Variants in CTXND1 observed in about 807,000 individuals in gnomAD.
CTXND1 encodes the protein cortexin domain containing 1.
intron 1 of CTXND1, among the ~76,000 whole-genome samples, chr15:80,205,388 A>G (rs1178197574): frequency 6.6e-6 from 1 of 152,202 alleles, no homozygotes; most frequent in African/African-American, 2.4e-5. Context: ...GTCTAAGGAT[A>G]AATTCATTTT....
At chr15:80,240,316 TA>T (rs1167400462) in intron 1 of CTXND1, among the ~76,000 whole-genome samples, 1 of 152,136 alleles carries the variant, frequency 6.6e-6, no homozygotes, top group East Asian at 1.9e-4. Flanking sequence ...TTAGGACCCA[TA>T]AAACCTGAAT....
At chr15:80,227,400 GA>G (rs1419494613) in intron 1 of CTXND1, among the ~76,000 whole-genome samples, 1 of 152,118 alleles carries the variant, frequency 6.6e-6, no homozygotes, top group African/African-American at 2.4e-5. Context: ...TGATAAACAT[GA>G]TTTATTTAGG....
In CTXND1 at chr15:80,201,545, CT is replaced by C; in HGVS notation, c.*224del. 5.3e-6 allele frequency: 2 copies of C among 374,840 alleles called. No individual in the cohort carries two copies. Among genetic ancestry groups the C allele is most frequent in the Non-Finnish European group, 9.5e-6 (2 of 211,324 alleles). The allele number at this position is 374,840 out of a possible 1,614,324, so 23.2% of individuals were successfully genotyped here. On this transcript the variant is annotated 3_prime_UTR_variant, in exon 3 of 3. Coordinates refer to ENST00000560778, the MANE Select transcript of CTXND1 (RefSeq NM_001352888.2). ...GCCTCCTGGGTCCTGGTCCAGGGCTCTTTTCCCCTGGCTGGTCCATGGTTGC... is the reference window on the plus strand; with the variant it reads ...GCCTCCTGGGTCCTGGTCCAGGGCTCTTTCCCCTGGCTGGTCCATGGTTGC...
chr15:80,234,384 G>A (rs1373358942), intron 1 of CTXND1, among the ~76,000 whole-genome samples: 1 of 152,224 alleles, frequency 6.6e-6, no homozygotes, highest in East Asian at 1.9e-4. Context: ...GGAATCAGGG[G>A]AGAGGTTGGG....
intron 1 of CTXND1, among the ~76,000 whole-genome samples, chr15:80,234,700 A>T (rs1024747212): frequency 6.6e-6 from 1 of 151,964 alleles, no homozygotes; most frequent in African/African-American, 2.4e-5. Context: ...CTGGTCTCGA[A>T]CTCCTGACCA....
At chr15:80,230,263 T>C (rs532351139) in intron 1 of CTXND1, among the ~76,000 whole-genome samples, 4 of 152,310 alleles carry the variant, frequency 2.6e-5, no homozygotes, top group Admixed American at 2.6e-4. Flanking sequence ...TCTAAATGCC[T>C]CTTGGAAGGC....
chr15:80,234,027 A>G (rs1314971722), intron 1 of CTXND1, among the ~76,000 whole-genome samples: 2 of 152,224 alleles, frequency 1.3e-5, no homozygotes, highest in African/African-American at 4.8e-5. Context: ...AAGAGGAGCA[A>G]GCCTGCGGTG....
At chr15:80,233,926 C>T (rs1893461690) in intron 1 of CTXND1, among the ~76,000 whole-genome samples, 1 of 152,156 alleles carries the variant, frequency 6.6e-6, no homozygotes, top group Admixed American at 6.5e-5. Context: ...ACCATAGGTT[C>T]CATAAGCATG....
chr15:80,222,499 C>A (rs1472849274), intron 1 of CTXND1, among the ~76,000 whole-genome samples: 1 of 152,110 alleles, frequency 6.6e-6, no homozygotes, highest in Non-Finnish European at 1.5e-5. Context: ...ATACAATATC[C>A]AATTCATGGT....
intron 1 of CTXND1, among the ~76,000 whole-genome samples, chr15:80,244,879 C>G (rs1264113817): frequency 6.6e-6 from 1 of 152,170 alleles, no homozygotes; most frequent in African/African-American, 2.4e-5. Flanking sequence ...TGCATTCCAA[C>G]AGCCTCCAGT....
chr15:80,211,088 A>G (rs74027269), intron 1 of CTXND1, among the ~76,000 whole-genome samples: 2,045 of 152,284 alleles, frequency 0.013, 32 homozygotes, highest in African/African-American at 0.035. Context: ...ATCCTCGAGG[A>G]CAGAGTCTGA....
At chr15:80,248,014 T>C (rs1893653665) in intron 1 of CTXND1, among the ~76,000 whole-genome samples, 3 of 152,288 alleles carry the variant, frequency 2.0e-5, no homozygotes, top group African/African-American at 7.2e-5. Flanking sequence ...GCACCAGACT[T>C]ATCTTCCAAG....
chr15:80,227,968 A>C (rs28802361), intron 1 of CTXND1, among the ~76,000 whole-genome samples: 1 of 152,228 alleles, frequency 6.6e-6, no homozygotes, highest in African/African-American at 2.4e-5. Flanking sequence ...TTCTTTAAAA[A>C]TTGGGGTCAG....
intron 1 of CTXND1, among the ~76,000 whole-genome samples, chr15:80,213,655 G>C (rs545118926): frequency 2.5e-4 from 38 of 152,272 alleles, no homozygotes; most frequent in African/African-American, 8.4e-4. Context: ...GACGTAAAGA[G>C]AAAGAAACAA....
chr15:80,221,098 A>G (rs1315232509), intron 1 of CTXND1, among the ~76,000 whole-genome samples: 1 of 151,876 alleles, frequency 6.6e-6, no homozygotes, highest in Non-Finnish European at 1.5e-5. Flanking sequence ...TTTAGTAGAG[A>G]CGGGGTTTCA....
intron 1 of CTXND1, among the ~76,000 whole-genome samples, chr15:80,246,262 GA>G (rs893880187): frequency 6.6e-6 from 1 of 152,310 alleles, no homozygotes; most frequent in South Asian, 2.1e-4. Context: ...TATAAAGGTG[GA>G]AAAAATACTA....
chr15:80,248,848 G>A (rs904608351), intron 1 of CTXND1, among the ~76,000 whole-genome samples: 1 of 152,210 alleles, frequency 6.6e-6, no homozygotes, highest in African/African-American at 2.4e-5. Flanking sequence ...TGGGCATAGA[G>A]ATTCATGTCT....
intron 1 of CTXND1, among the ~76,000 whole-genome samples, chr15:80,250,332 AG>A (rs1440311760): frequency 1.3e-5 from 2 of 151,850 alleles, no homozygotes; most frequent in Non-Finnish European, 2.9e-5. Context: ...TAGTTGAGCT[AG>A]TTTTTTTTTT....
intron 1 of CTXND1, among the ~76,000 whole-genome samples, chr15:80,215,562 G>C (rs1893244385): frequency 6.6e-6 from 1 of 152,160 alleles, no homozygotes; most frequent in Admixed American, 6.5e-5. Context: ...GGTCCTTCAA[G>C]GTGTGGGAAG....
Sources: gnomAD v4.1 joint callset for allele counts (sites outside exome capture counted in the v4.1 genomes callset) on GRCh38, gnomAD v4.1.1 for gene constraint, MANE v1.5 for transcripts, NCBI Gene and HGNC (gene_info 2026-07-23, HGNC 2026-07-21) for gene names.